The following RHOU variants were observed in gnomAD, a reference collection of about 807,000 sequenced individuals.
RHOU encodes the protein rho-related GTP-binding protein RhoU.
A neutral mutation model predicts 12.6 loss-of-function variants in RHOU; 8 were observed. The observed-to-expected ratio is 0.64, with a 90% CI of 0.37 to 1.15. The LOEUF (loss-of-function observed/expected upper bound fraction) is 1.15. Among genes scored for constraint, RHOU ranks in the 50% most tolerant of loss-of-function variants. RHOU has a pLI of 0.01. For missense variants in RHOU, 258 were observed against 347.0 expected (o/e 0.74, Z 2.04); for synonymous variants, 161 against 147.4 (o/e 1.09, Z -0.67).
rs1214162070 is a variant in RHOU at position 228,737,745 on chromosome 1, T to C, written c.321+14T>C. The C allele has an allele frequency of 6.2e-7, 1 of 1,613,548 alleles. No homozygotes were observed. The highest frequency in any genetic ancestry group is 8.5e-7 in the Non-Finnish European group (1 of 1,179,540). On this transcript the variant is annotated intron_variant, in intron 2 of 2. Coordinates refer to ENST00000366691, the MANE Select transcript of RHOU (RefSeq NM_021205.6). The surrounding 1 kb of genome is among the most constrained non-coding windows in gnomAD (Gnocchi z 4.1). The stretch of plus-strand genomic sequence containing the variant: ...ACTGCCGGACAGGTCAGTATCACGT[T>C]ACAGCTCAGTGCTGGGAAAGGAAAC...
chr1:228,718,122 C>A, the RHOU span, among the ~76,000 whole-genome samples: 1 of 152,100 alleles, frequency 6.6e-6, no homozygotes, highest in Admixed American at 6.6e-5. Context: ...ATAATGAGAA[C>A]CTGGGGAGGT....
chr1:228,649,271 C>T, the RHOU span, among the ~76,000 whole-genome samples: 3 of 152,208 alleles, frequency 2.0e-5, no homozygotes, highest in African/African-American at 7.2e-5. Flanking sequence ...GGCACACACT[C>T]TTCCTTTGTC....
At chr1:228,666,379 T>C in the RHOU span, among the ~76,000 whole-genome samples, 1,452 of 152,336 alleles carry the variant, frequency 9.5e-3, 19 homozygotes, top group African/African-American at 0.034. Flanking sequence ...GATCAGATCA[T>C]GGTAATCAGT....
the RHOU span, among the ~76,000 whole-genome samples, chr1:228,684,491 G>A: frequency 4.0e-5 from 6 of 150,014 alleles, no homozygotes; most frequent in African/African-American, 1.3e-4. Flanking sequence ...ACCATGCCCG[G>A]CTAATTTTTG....
the RHOU span, among the ~76,000 whole-genome samples, chr1:228,707,235 GTATATATA>G: frequency 9.3e-4 from 71 of 76,744 alleles, 3 homozygotes; most frequent in South Asian, 0.033. Context: ...ATATACATAT[GTATATATA>G]TATATATATA....
the RHOU span, among the ~76,000 whole-genome samples, chr1:228,660,300 A>G: frequency 6.6e-6 from 1 of 151,956 alleles, no homozygotes; most frequent in East Asian, 1.9e-4. Flanking sequence ...TGAATAGACT[A>G]GTAACTAGTA....
At chr1:228,650,477 G>GGAGGGCT in the RHOU span, 1 of 456,376 alleles carries the variant, frequency 2.2e-6, no homozygotes, top group Non-Finnish European at 4.4e-6. Flanking sequence ...CAGGAGGGCA[G>GGAGGGCT]CATCCTGGTG....
At chr1:228,715,007 G>T in the RHOU span, among the ~76,000 whole-genome samples, 2 of 151,942 alleles carry the variant, frequency 1.3e-5, no homozygotes, top group African/African-American at 2.4e-5. Context: ...CTCCCAAAGT[G>T]CTGGGATTAC....
chr1:228,739,982 G>A (rs74403689), intron 2 of RHOU, among the ~76,000 whole-genome samples: 4 of 152,224 alleles, frequency 2.6e-5, no homozygotes, highest in East Asian at 3.9e-4. Flanking sequence ...ATGGAAGCTC[G>A]TGAAGGAGCA....
chr1:228,665,462 G>C, the RHOU span, among the ~76,000 whole-genome samples: 178 of 152,300 alleles, frequency 1.2e-3, no homozygotes, highest in African/African-American at 3.9e-3. Flanking sequence ...CACACATGTC[G>C]GGGATGGGTT....
upstream of RHOU, among the ~76,000 whole-genome samples, chr1:228,732,714 A>C (rs1026629957): frequency 9.2e-5 from 14 of 152,164 alleles, 1 homozygote; most frequent in Non-Finnish European, 1.8e-4. Context: ...TGAGAAGGGG[A>C]AAAGCAAGAG....
At chr1:228,675,566 G>A in the RHOU span, among the ~76,000 whole-genome samples, 1 of 152,074 alleles carries the variant, frequency 6.6e-6, no homozygotes, top group Non-Finnish European at 1.5e-5. Context: ...TCTTTAATTT[G>A]CTTCAGTAAT....
chr1:228,670,814 T>G, the RHOU span, among the ~76,000 whole-genome samples: 5 of 152,110 alleles, frequency 3.3e-5, no homozygotes, highest in African/African-American at 1.2e-4. Flanking sequence ...TCTGGTGGTT[T>G]AAAAAGTGTG....
At chr1:228,668,904 A>G in the RHOU span, among the ~76,000 whole-genome samples, 2 of 152,196 alleles carry the variant, frequency 1.3e-5, no homozygotes, top group Non-Finnish European at 2.9e-5. Context: ...CGCAGACATG[A>G]CAAGGTTGGG....
the RHOU span, among the ~76,000 whole-genome samples, chr1:228,658,375 C>T: frequency 1.3e-5 from 2 of 151,752 alleles, no homozygotes; most frequent in Non-Finnish European, 2.9e-5. Flanking sequence ...GAAATTAGAG[C>T]CCTTATAAAA....
the RHOU span, among the ~76,000 whole-genome samples, chr1:228,713,974 T>A: frequency 6.6e-6 from 1 of 152,208 alleles, no homozygotes; most frequent in Non-Finnish European, 1.5e-5. Flanking sequence ...GATTGTAGTA[T>A]GAGAGTGGAG....
the RHOU span, among the ~76,000 whole-genome samples, chr1:228,690,129 T>G: frequency 5.9e-5 from 9 of 152,244 alleles, no homozygotes; most frequent in African/African-American, 2.2e-4. Flanking sequence ...CTTGCTGTAA[T>G]TTTCTTTGAT....
the RHOU span, among the ~76,000 whole-genome samples, chr1:228,647,023 A>G: frequency 2.0e-5 from 3 of 151,940 alleles, no homozygotes; most frequent in Non-Finnish European, 4.4e-5. Context: ...CCAGGGGGAA[A>G]CCCAGAAGAG....
At chr1:228,707,105 CAT>C in the RHOU span, among the ~76,000 whole-genome samples, 306 of 70,798 alleles carry the variant, frequency 4.3e-3, 10 homozygotes, top group Middle Eastern at 0.023. Flanking sequence ...TATATACATA[CAT>C]ATATATATAT....
Sources: gnomAD v4.1 joint callset for allele counts (sites outside exome capture counted in the v4.1 genomes callset) on GRCh38, gnomAD v4.1.1 for gene constraint, Gnocchi (gnomAD v3.1) non-coding constraint, MANE v1.5 for transcripts, NCBI Gene and HGNC (gene_info 2026-07-23, HGNC 2026-07-21) for gene names.